The following IFT74 variants were observed in gnomAD, a reference collection of about 807,000 sequenced individuals.
IFT74 encodes the protein intraflagellar transport protein 74 homolog.
Under a neutral mutation model 96.7 loss-of-function variants are expected in IFT74, and 92 were observed. The ratio of observed to expected loss-of-function variants is 0.95; its 90% CI spans 0.80 to 1.13. The LOEUF (loss-of-function observed/expected upper bound fraction) is 1.13. IFT74 is among the 50% of genes most tolerant of loss of function. IFT74 has a pLI of 0.00. For synonymous variants in IFT74, 223 were observed against 213.2 expected (o/e 1.05, Z -0.40); for missense variants, 811 against 698.2 (o/e 1.16, Z -1.82).
intron 1 of IFT74, chr9:26,947,197 G>C: frequency 2.3e-6 from 2 of 885,740 alleles, no homozygotes; most frequent in East Asian, 3.2e-5. Flanking sequence ...ACGGAAGGGC[G>C]GCTGGGAAGG....
At chr9:26,970,612 A>C (rs1291844210) in intron 2 of IFT74, among the ~76,000 whole-genome samples, 1 of 152,216 alleles carries the variant, frequency 6.6e-6, no homozygotes, top group African/African-American at 2.4e-5. Context: ...TGCTTGCATA[A>C]AGCCAAAGAA....
chr9:27,003,102 A>G (rs1053093074), intron 8 of IFT74, among the ~76,000 whole-genome samples: 1 of 152,148 alleles, frequency 6.6e-6, no homozygotes, highest in Non-Finnish European at 1.5e-5. Context: ...CACTGTTGGC[A>G]TATCTAAATT....
chr9:26,994,104 T>G (rs1047141117), intron 8 of IFT74: 1 of 152,232 alleles, frequency 6.6e-6, no homozygotes, highest in African/African-American at 2.4e-5. Context: ...TTCTTTGGAA[T>G]GTTATTGAAC....
At chr9:26,958,877 G>C (rs561706421) in intron 1 of IFT74, among the ~76,000 whole-genome samples, 3 of 152,264 alleles carry the variant, frequency 2.0e-5, no homozygotes, top group African/African-American at 7.2e-5. Context: ...CTTAGAAAAT[G>C]CTCTATATAA....
At chr9:27,058,715 A>G (rs956814125) in intron 18 of IFT74, among the ~76,000 whole-genome samples, 1 of 152,196 alleles carries the variant, frequency 6.6e-6, no homozygotes, top group Non-Finnish European at 1.5e-5. Flanking sequence ...AGCATTAGCT[A>G]TTTCATTGTA....
At chr9:27,031,925 T>C (rs150262526) in intron 13 of IFT74, among the ~76,000 whole-genome samples, 244 of 152,248 alleles carry the variant, frequency 1.6e-3, no homozygotes, top group African/African-American at 5.4e-3. Flanking sequence ...TTGCCCAGGC[T>C]GATCTCAACG....
At chr9:26,976,307 C>T (rs562728086) in intron 2 of IFT74, among the ~76,000 whole-genome samples, 3 of 152,154 alleles carry the variant, frequency 2.0e-5, no homozygotes, top group African/African-American at 4.8e-5. Flanking sequence ...TAAAGAAAGA[C>T]GAGTACTCAA....
chr9:27,028,626 C>G (rs1243144600), intron 12 of IFT74, among the ~76,000 whole-genome samples: 1 of 151,970 alleles, frequency 6.6e-6, no homozygotes, highest in Non-Finnish European at 1.5e-5. Flanking sequence ...CATGGAGGCG[C>G]GTGCCTCTAG....
intron 11 of IFT74, 101 bp downstream of exon 11, chr9:27,017,151 AGT>A: frequency 1.2e-6 from 1 of 852,696 alleles, no homozygotes; most frequent in Non-Finnish European, 1.8e-6. Flanking sequence ...AAAGCTAGTA[AGT>A]GTATTGTCTA....
intron 13 of IFT74, among the ~76,000 whole-genome samples, chr9:27,044,457 T>C (rs1044468687): frequency 6.6e-6 from 1 of 152,216 alleles, no homozygotes; most frequent in African/African-American, 2.4e-5. Context: ...TGGGAACTTA[T>C]GTTTCTCAGC....
chr9:27,061,470 A>G (rs1328249512), intron 19 of IFT74, among the ~76,000 whole-genome samples: 1 of 152,028 alleles, frequency 6.6e-6, no homozygotes, highest in Non-Finnish European at 1.5e-5. Context: ...GTTTAGAGAC[A>G]GGGGTCTCGC....
chr9:26,961,987 C>G lies in IFT74; in HGVS notation c.20C>G (p.Ser7Cys), dbSNP rs763921206. 6.2e-7 allele frequency: 1 copy of G among 1,614,156 alleles called. No homozygotes were observed. Among genetic ancestry groups the G allele is most frequent in the African/African-American group, 1.3e-5 (1 of 75,054 alleles). Residue 7 changes from serine (S) to cysteine (C), a missense_variant, in exon 2 of 20, where the codon TCT becomes TGT. By Grantham distance (112) the Ser-to-Cys change is moderately radical (BLOSUM62 -1). Transcript: ENST00000380062. MASNHK[S>C]SAARPVSRGG... ...GAAACAATGGCCAGCAATCACAAAT[C>G]TTCAGCAGCTCGCCCTGTTTCAAGA...
chr9:27,049,235 G>A (rs1310053718), intron 16 of IFT74, among the ~76,000 whole-genome samples: 2 of 152,084 alleles, frequency 1.3e-5, no homozygotes, highest in African/African-American at 4.8e-5. Flanking sequence ...AAATTACCCA[G>A]TCTCAGGTAT....
At chr9:26,949,602 C>G (rs556911112) in intron 1 of IFT74, among the ~76,000 whole-genome samples, 39 of 152,008 alleles carry the variant, frequency 2.6e-4, no homozygotes, top group Admixed American at 5.9e-4. Context: ...TCCAAAAAAC[C>G]AATGCACTGA....
At chr9:26,958,860 A>G (rs1303341923) in intron 1 of IFT74, among the ~76,000 whole-genome samples, 1 of 152,178 alleles carries the variant, frequency 6.6e-6, no homozygotes, top group African/African-American at 2.4e-5. Context: ...AAGATGGTGG[A>G]TGGTATCTTA....
chr9:26,985,800 A>AT (rs1458104227), intron 6 of IFT74, among the ~76,000 whole-genome samples: 1 of 152,140 alleles, frequency 6.6e-6, no homozygotes, highest in East Asian at 1.9e-4. Flanking sequence ...TTAAAAACAC[A>AT]TTTTTTATCA....
At chr9:26,995,555 T>G in intron 8 of IFT74, 2 of 1,595,472 alleles carry the variant, frequency 1.3e-6, no homozygotes, top group Middle Eastern at 3.4e-4. Flanking sequence ...GATATCTATA[T>G]ATTTGTCTTC....
At chr9:27,000,310 A>G (rs942674421) in intron 8 of IFT74, among the ~76,000 whole-genome samples, 7 of 152,242 alleles carry the variant, frequency 4.6e-5, no homozygotes, top group African/African-American at 1.7e-4. Context: ...TAAAAATTTA[A>G]TATAGAAGTG....
chr9:27,018,097 G>T (rs1004703117), intron 11 of IFT74, among the ~76,000 whole-genome samples: 2 of 152,072 alleles, frequency 1.3e-5, no homozygotes, highest in African/African-American at 4.8e-5. Context: ...TGATCTTGAG[G>T]TACGCCTACC....
Sources: allele counts gnomAD v4.1 joint callset (sites outside exome capture counted in the v4.1 genomes callset), GRCh38; gene constraint gnomAD v4.1.1; transcripts MANE v1.5; gene names NCBI Gene and HGNC (gene_info 2026-07-23, HGNC 2026-07-21).